Variants in CSMD3 observed in about 807,000 individuals in gnomAD.
The protein encoded by CSMD3 is CUB and sushi domain-containing protein 3.
A neutral mutation model predicts 435.2 loss-of-function variants in CSMD3; 177 were observed. That is an observed-to-expected ratio of 0.41 (90% confidence interval 0.36 to 0.46). The LOEUF (loss-of-function observed/expected upper bound fraction) is 0.46. Ranked by LOEUF, CSMD3 falls within the 20% of genes least tolerant of loss-of-function variation. The pLI is 0.34. For synonymous variants in CSMD3, 1,656 were observed against 1,520.5 expected, an observed-to-expected ratio of 1.09 and a Z score of -2.07; for missense variants, 4,265 against 4,504.6, an observed-to-expected ratio of 0.95 and a Z score of 1.52.
chr8:112,747,086 A>G (rs1030842754), intron 13 of CSMD3, among the ~76,000 whole-genome samples: 10 of 150,214 alleles, frequency 6.7e-5, no homozygotes, highest in Non-Finnish European at 8.8e-5. Flanking sequence ...TTTCCATATC[A>G]TAATTCTACT....
At chr8:112,426,019 CAAG>C (rs1361226022) in intron 32 of CSMD3, among the ~76,000 whole-genome samples, 1 of 152,030 alleles carries the variant, frequency 6.6e-6, no homozygotes, top group African/African-American at 2.4e-5. Flanking sequence ...TGAAATAAGT[CAAG>C]TTCTATTTCT....
Position 112,319,753 on chromosome 8 carries a change from T to A in CSMD3, c.7246+148A>T, listed in dbSNP as rs181228436. The A allele has an allele frequency of 1.8e-4, 126 of 686,800 alleles. No homozygotes were observed. In the African/African-American group the frequency reaches 1.8e-3, roughly 10 times the overall value. 42.5% of individuals were successfully genotyped at this position (686,800 alleles called of 1,614,324 possible). On this transcript the variant is annotated intron_variant, in intron 46 of 70. Coordinates refer to ENST00000297405, the MANE Select transcript of CSMD3 (RefSeq NM_198123.2). ...ATCCCTTTCCTCTTTTCACTCCTTC[T>A]CCCTTCTTAAAAATTCTAAATAATC...
At chr8:112,313,414 C>T (rs1246091215) in intron 49 of CSMD3, among the ~76,000 whole-genome samples, 1 of 152,068 alleles carries the variant, frequency 6.6e-6, no homozygotes, top group Non-Finnish European at 1.5e-5. Context: ...ATTTTGACCT[C>T]TGTATGTTTA....
chr8:112,942,732 G>T (rs551150015), intron 9 of CSMD3, among the ~76,000 whole-genome samples: 71 of 151,734 alleles, frequency 4.7e-4, no homozygotes, highest in Non-Finnish European at 3.0e-5. Flanking sequence ...TGAGAGGAGG[G>T]TGAGGATCAG....
intron 41 of CSMD3, among the ~76,000 whole-genome samples, chr8:112,345,422 G>T (rs1284595266): frequency 5.9e-5 from 9 of 151,904 alleles, no homozygotes; most frequent in Admixed American, 2.6e-4. Flanking sequence ...AAAAACAAGG[G>T]AATTCTGTCA....
chr8:112,791,519 A>G (rs915699860), intron 13 of CSMD3, among the ~76,000 whole-genome samples: 1 of 152,062 alleles, frequency 6.6e-6, no homozygotes, highest in African/African-American at 2.4e-5. Flanking sequence ...TATTTTACTC[A>G]GCATATTGAT....
chr8:112,720,917 A>G (rs2076843411), intron 13 of CSMD3, among the ~76,000 whole-genome samples: 1 of 152,224 alleles, frequency 6.6e-6, no homozygotes, highest in African/African-American at 2.4e-5. Context: ...TTCTGAAATT[A>G]TCAGTTTGGA....
chr8:112,999,117 G>A (rs1456643605), intron 6 of CSMD3, among the ~76,000 whole-genome samples: 1 of 151,778 alleles, frequency 6.6e-6, no homozygotes, highest in Non-Finnish European at 1.5e-5. Context: ...TACTCACTCA[G>A]CATATAGCAG....
chr8:112,384,509 A>G (rs1299034544), intron 36 of CSMD3, among the ~76,000 whole-genome samples: 2 of 152,208 alleles, frequency 1.3e-5, no homozygotes, highest in Non-Finnish European at 2.9e-5. Context: ...CTATTTCTTT[A>G]TTAAATTTTT....
intron 3 of CSMD3, among the ~76,000 whole-genome samples, chr8:113,247,513 T>G (rs2093288157): frequency 6.6e-6 from 1 of 152,262 alleles, no homozygotes; most frequent in South Asian, 2.1e-4. Context: ...CCACTGAGAT[T>G]TAATCACTTT....
Position 112,518,627 on chromosome 8 carries a change from T to TGAGAGA in CSMD3, c.4565-1403_4565-1402insTCTCTC, listed in dbSNP as rs202097926. ...AAAATGGTGTGTGTGTGTGTGTGTG[T>TGAGAGA]GTGAGAGAGAGAGAGAGAGAGAGAG... On this transcript the variant is annotated intron_variant, in intron 27 of 70. Transcript: ENST00000297405. 1.5e-4 allele frequency among the ~76,000 whole-genome samples: 20 copies of TGAGAGA among 133,032 alleles called. No individual in the cohort carries two copies. The East Asian group carries it at 1.8e-3, about 12-fold the overall frequency. The allele number at this position is 133,032 out of a possible 152,430, so 87.3% of individuals were successfully genotyped here. A position where few individuals can be genotyped will look rare whatever the true frequency, so the allele number is the denominator to read the frequency against.
chr8:113,148,882 T>G lies in CSMD3; in HGVS notation c.709+24840A>C, dbSNP rs142111601. Among the ~76,000 whole-genome samples, 1,268 of 151,908 alleles carry G rather than the reference T, an allele frequency of 8.3e-3. 16 individuals carry two copies. The highest frequency in any genetic ancestry group is 0.029 in the African/African-American group (1,210 of 41,522). On this transcript the variant is annotated intron_variant, in intron 4 of 70. Coordinates refer to ENST00000297405, the MANE Select transcript of CSMD3 (RefSeq NM_198123.2). Reference sequence around the variant, plus strand: ...CTCAAGTGAAGCAACAGTATTTACTTTAATTACAGTTTTCTAAAGATTTCT... The same window carrying G: ...CTCAAGTGAAGCAACAGTATTTACTGTAATTACAGTTTTCTAAAGATTTCT...
chr8:112,570,527 A>G lies in CSMD3; in HGVS notation c.4042+2974T>C, dbSNP rs547227775. Among the ~76,000 whole-genome samples the G allele has an allele frequency of 2.6e-5, 4 of 152,336 alleles. No homozygotes were observed. In the East Asian group the frequency reaches 5.8e-4, roughly 22 times the overall value. ...TATCCAAAGTCAGTAGGACATGCAC[A>G]AAATAGAAAGTAGCCTGGGCACAGG... On this transcript the variant is annotated intron_variant, in intron 24 of 70. Transcript: ENST00000297405.
At chr8:112,835,551 C>T (rs1587433977) in intron 11 of CSMD3, among the ~76,000 whole-genome samples, 2 of 151,896 alleles carry the variant, frequency 1.3e-5, no homozygotes, top group East Asian at 3.9e-4. Context: ...AGCATACCTC[C>T]CAATATGGTC....
At chr8:113,095,480 C>T (rs149307625) in intron 5 of CSMD3, among the ~76,000 whole-genome samples, 81 of 152,264 alleles carry the variant, frequency 5.3e-4, no homozygotes, top group Middle Eastern at 6.8e-3. Flanking sequence ...ACCCAATGAC[C>T]TCTATGTTAT....
At chr8:113,306,417 G>C (rs2132625687) in intron 2 of CSMD3, among the ~76,000 whole-genome samples, 1 of 152,216 alleles carries the variant, frequency 6.6e-6, no homozygotes, top group African/African-American at 2.4e-5. Context: ...AATGTCATCA[G>C]GTAGAGTTAA....
At chr8:113,229,233 T>C (rs2093059272) in intron 3 of CSMD3, among the ~76,000 whole-genome samples, 1 of 151,682 alleles carries the variant, frequency 6.6e-6, no homozygotes, top group Admixed American at 6.6e-5. Context: ...TATGTGGTGC[T>C]GTGAAACTAT....
At chr8:112,900,490 C>G (rs1343685973) in intron 10 of CSMD3, among the ~76,000 whole-genome samples, 1 of 151,226 alleles carries the variant, frequency 6.6e-6, no homozygotes, top group Non-Finnish European at 1.5e-5. Flanking sequence ...ATACCTTGTT[C>G]TCTTCATGTG....
At chr8:113,116,920 G>C (rs1394087494) in intron 4 of CSMD3, among the ~76,000 whole-genome samples, 2 of 152,140 alleles carry the variant, frequency 1.3e-5, no homozygotes, top group Non-Finnish European at 2.9e-5. Flanking sequence ...TTGAACTTGA[G>C]AGAGATGATT....
Sources: gnomAD v4.1 joint callset for allele counts (sites outside exome capture counted in the v4.1 genomes callset) on GRCh38, gnomAD v4.1.1 for gene constraint, MANE v1.5 for transcripts, NCBI Gene and HGNC (gene_info 2026-07-23, HGNC 2026-07-21) for gene names.